BMP1: variants seen among roughly 807,000 people sequenced by gnomAD.
BMP1 encodes the protein bone morphogenetic protein 1, also known as mammalian tolloid protein.
A neutral mutation model predicts 116.8 loss-of-function variants in BMP1; 63 were observed. The ratio of observed to expected loss-of-function variants is 0.54; its 90% confidence interval spans 0.44 to 0.67. The LOEUF is 0.67. Ranked by LOEUF, BMP1 falls within the 30% of genes least tolerant of loss-of-function variation. The pLI is 0.00. For synonymous variants in BMP1, 536 were observed against 533.4 expected, an observed-to-expected ratio of 1.00 and a Z score of -0.07; for missense variants, 1,183 against 1,358.9, an observed-to-expected ratio of 0.87 and a Z score of 2.04.
chr8:22,211,811 G>A lies in BMP1; in HGVS notation c.*83G>A, dbSNP rs920131774. The A allele has an allele frequency of 6.7e-5, 107 of 1,594,284 alleles. No individual in the cohort carries two copies. Among genetic ancestry groups the A allele is most frequent in the Non-Finnish European group, 8.0e-5 (93 of 1,168,414 alleles). ...ATAGTGGGGGTGGGCGGAAGGCAAC[G>A]CACCATCCCTCTCCCCCAGGCCCCA... On this transcript the variant is annotated 3_prime_UTR_variant, in exon 20 of 20. Transcript: ENST00000306385.
intron 15 of BMP1, chr8:22,199,534 A>G (rs1305755936): frequency 1.3e-5 from 10 of 790,380 alleles, no homozygotes; most frequent in Non-Finnish European, 1.7e-5. Context: ...TCCCCCACTC[A>G]TTCATCCAGC....
chr8:22,207,635 G>C (rs539361975), intron 18 of BMP1, 119 bp downstream of exon 18: 1 of 1,155,444 alleles, frequency 8.7e-7, no homozygotes, highest in Non-Finnish European at 1.2e-6. Flanking sequence ...CCCAGGGCCA[G>C]GGTTGTGGGT....
In BMP1 at chr8:22,209,656, C is replaced by T. The variant is rs1472213849; in HGVS notation, c.2787C>T (p.Asp929=). ...YDYMELFDGY[D]STAPRLGRYC... is the part of the protein sequence containing the mutation. ...ACATGGAGCTCTTCGACGGCTACGA[C>T]AGCACAGCCCCCAGGCTGGGGCGCT... The change falls in exon 19 of 20, where the codon GAC becomes GAT. Residue 929 remains aspartate, a synonymous_variant. Transcript: ENST00000306385. 4 of 1,614,016 alleles carry T rather than the reference C, an allele frequency of 2.5e-6. No individual in the cohort carries two copies. The African/African-American group carries it at 4.0e-5, about 16-fold the overall frequency.
chr8:22,211,554 C>T, intron 19 of BMP1, 40 bp from the exon 20 acceptor site: 1 of 1,613,142 alleles, frequency 6.2e-7, no homozygotes, highest in Non-Finnish European at 8.5e-7. Flanking sequence ...CAGCCCCAGC[C>T]CCTCTTCCTC....
chr8:22,199,112 C>A, intron 15 of BMP1: 3 of 1,367,670 alleles, frequency 2.2e-6, no homozygotes, highest in Non-Finnish European at 2.9e-6. Flanking sequence ...GTGCCCGCCC[C>A]ACCCTCAGCC....
chr8:22,191,338 G>A (rs1280902031), intron 8 of BMP1, among the ~76,000 whole-genome samples: 1 of 152,220 alleles, frequency 6.6e-6, no homozygotes, highest in Non-Finnish European at 1.5e-5. Context: ...TCACGCGTAT[G>A]TCTCATCCCT....
Position 22,194,573 on chromosome 8 carries a change from A to G in BMP1, c.1426A>G (p.Thr476Ala). ...GTCTGAGGGCTTCCACGTGGGCCTCACATTCCAGTCCTTTGAGGTAGGTCA... is the reference window on the plus strand; with the variant it reads ...GTCTGAGGGCTTCCACGTGGGCCTCGCATTCCAGTCCTTTGAGGTAGGTCA... ...QVSEGFHVGL[T>A]FQSFEIERHD... The change falls in exon 11 of 20, where the codon ACA becomes GCA. Residue 476 changes from threonine (T) to alanine (A), a missense_variant. By Grantham distance (58) the Thr-to-Ala change is moderately conservative (BLOSUM62 0). Around this residue, in one of 4 missense-constraint regions of BMP1, gnomAD observed 956 missense variants for 1,135.2 expected, o/e 0.84. Transcript: ENST00000306385. The surrounding 1 kb of genome is among the most constrained non-coding windows in gnomAD (Gnocchi z 4.5). 1 of 1,614,096 alleles carries G rather than the reference A, an allele frequency of 6.2e-7. No individual in the cohort carries two copies. Among genetic ancestry groups the G allele is most frequent in the South Asian group, 1.1e-5 (1 of 91,068 alleles).
intron 13 of BMP1, 84 bp from the exon 14 acceptor site, chr8:22,196,596 C>G: frequency 6.3e-7 from 1 of 1,590,460 alleles, no homozygotes; most frequent in Non-Finnish European, 8.6e-7. Context: ...CCCATCTTCT[C>G]CTTACTGCAT....
chr8:22,177,881 C>A lies in BMP1; in HGVS notation c.760C>A (p.Pro254Thr), dbSNP rs371139780. 1.9e-6 allele frequency: 3 copies of A among 1,613,306 alleles called. No homozygotes were observed. The highest frequency in any genetic ancestry group is 1.6e-4 in the Middle Eastern group (1 of 6,082). The change falls in exon 6 of 20, where the codon CCT becomes ACT. Residue 254 changes from proline to threonine, a missense_variant. Physicochemically the swap from Pro to Thr is conservative, Grantham distance 38. Coordinates refer to ENST00000306385, the MANE Select transcript of BMP1 (RefSeq NM_006129.5). ...GGAGTATAACTTCCTGAAGATGGAG[C>A]CTCAGGAGGTGGAGTCCCTGGGGGA... Reference protein sequence around the residue: ...GQEYNFLKMEPQEVESLGETY... With the variant: ...GQEYNFLKMETQEVESLGETY...
intron 1 of BMP1, among the ~76,000 whole-genome samples, chr8:22,172,294 C>T (rs1586435227): frequency 6.6e-6 from 1 of 152,172 alleles, no homozygotes. Context: ...CAGCTCCCAT[C>T]TGAGCGCCTT....
intron 8 of BMP1, among the ~76,000 whole-genome samples, chr8:22,183,351 G>C (rs1315962099): frequency 6.6e-6 from 1 of 152,192 alleles, no homozygotes; most frequent in Non-Finnish European, 1.5e-5. Flanking sequence ...GGGAGTTCAA[G>C]GTTGCAGTAA....
At chr8:22,195,017 G>C in intron 12 of BMP1, 98 bp downstream of exon 12, 2 of 1,313,438 alleles carry the variant, frequency 1.5e-6, no homozygotes, top group Non-Finnish European at 1.0e-6. Context: ...GAGGCATATT[G>C]ATACCAGTGA....
At chr8:22,187,313 T>TTTAA (rs916032686) in intron 8 of BMP1, among the ~76,000 whole-genome samples, 55 of 150,774 alleles carry the variant, frequency 3.6e-4, no homozygotes, top group Middle Eastern at 6.8e-3. Context: ...TTTTATTTAT[T>TTTAA]TTAATTAATT....
chr8:22,183,061 G>A (rs1828668837), intron 8 of BMP1, among the ~76,000 whole-genome samples: 1 of 152,192 alleles, frequency 6.6e-6, no homozygotes. Flanking sequence ...TCTCTTGGTT[G>A]ATATTCTACC....
chr8:22,206,736 A>C, intron 16 of BMP1, 118 bp from the exon 17 acceptor site: 1 of 1,456,828 alleles, frequency 6.9e-7, no homozygotes, highest in Non-Finnish European at 9.4e-7. Flanking sequence ...CATCCAGTTC[A>C]TAAGTGGGAC....
chr8:22,201,465 C>T, intron 15 of BMP1: 1 of 1,404,100 alleles, frequency 7.1e-7, no homozygotes, highest in Non-Finnish European at 9.2e-7. Context: ...CCCCTGCGTC[C>T]TGCTCCTTTC....
chr8:22,198,857 C>G, intron 15 of BMP1: 2 of 943,070 alleles, frequency 2.1e-6, no homozygotes, highest in African/African-American at 1.7e-5. Context: ...TTGCTGAGAC[C>G]CTCCCCATGC....
chr8:22,195,569 G>A lies in BMP1; in HGVS notation c.1747G>A (p.Asp583Asn). The change falls in exon 13 of 20, where the codon GAC (aspartate) becomes AAC (asparagine). Residue 583 changes from aspartate to asparagine, a missense_variant. Physicochemically the swap from Asp to Asn is conservative, Grantham distance 23 (BLOSUM62 1). Transcript: ENST00000306385. The stretch of plus-strand genomic sequence containing the variant: ...TGACCCCGGGTACGAGCTGGCCCCA[G>A]ACAAGCGCCGCTGTGAGGGTGAGTG... ...SCDPGYELAP[D>N]KRRCEAACGG... is the part of the protein sequence containing the mutation. 1.9e-6 allele frequency: 3 copies of A among 1,612,352 alleles called. No individual in the cohort carries two copies. The highest frequency in any genetic ancestry group is 2.2e-5 in the East Asian group (1 of 44,768).
chr8:22,166,883 G>C (rs2131834092), intron 1 of BMP1, among the ~76,000 whole-genome samples: 1 of 152,262 alleles, frequency 6.6e-6, no homozygotes, highest in Non-Finnish European at 1.5e-5. Flanking sequence ...ACTGCGCATG[G>C]ACTTTGAAGG....
Sources: gnomAD v4.1 joint callset for allele counts (sites outside exome capture counted in the v4.1 genomes callset) on GRCh38, gnomAD v4.1.1 for gene constraint, gnomAD v4.1.1 regional missense constraint, Gnocchi (gnomAD v3.1) non-coding constraint, MANE v1.5 for transcripts, NCBI Gene and HGNC (gene_info 2026-07-23, HGNC 2026-07-21) for gene names.